GRWD1: variants seen among roughly 807,000 people sequenced by gnomAD.
The protein encoded by GRWD1 is glutamate rich WD repeat containing 1.
A neutral mutation model predicts 45.3 loss-of-function variants in GRWD1; 29 were observed. The observed-to-expected ratio is 0.64, with a 90% CI of 0.48 to 0.87. The LOEUF (loss-of-function observed/expected upper bound fraction) is 0.87. Ranked by LOEUF, GRWD1 falls within the 40% of genes least tolerant of loss-of-function variation. The probability of loss-of-function intolerance (pLI) is 0.00; values close to 1 mark genes in which losing one functional copy is unlikely to be tolerated. For synonymous variants in GRWD1, 262 were observed against 257.6 expected, an observed-to-expected ratio of 1.02 and a Z score of -0.16; for missense variants, 592 against 618.8, an observed-to-expected ratio of 0.96 and a Z score of 0.46.
chr19:48,450,968 C>G lies in GRWD1; in HGVS notation c.826-66C>G, dbSNP rs375242059. 5 of 1,538,480 alleles carry G rather than the reference C, an allele frequency of 3.2e-6. No individual in the cohort carries two copies. In the African/African-American group the frequency reaches 5.5e-5, roughly 17 times the overall value. The stretch of plus-strand genomic sequence containing the variant: ...AACAGTGAAAGAGAGAGTAGCCCAC[C>G]GCTGGCGCTTGGGCTTCACTGCGGG... On this transcript the variant is annotated intron_variant, in intron 5 of 6. Transcript: ENST00000253237. The surrounding 1 kb of genome is among the most constrained non-coding windows in gnomAD (Gnocchi z 5.1).
rs908679987 is a variant in GRWD1, at chr19:48,456,718, A to C, written c.*3693A>C. ...CTGGGAAGTTCCCCACCACAGGGCC[A>C]AGCGTTTGGTAACGTTGCAGTGAAC... is the stretch of plus-strand genomic sequence containing the variant. On this transcript the variant is annotated 3_prime_UTR_variant, in exon 7 of 7. Transcript: ENST00000253237. The C allele has an allele frequency of 6.6e-5, 10 of 152,354 alleles. No homozygotes were observed. The highest frequency in any genetic ancestry group is 1.2e-4 in the Non-Finnish European group (8 of 68,048). 9.4% of individuals were successfully genotyped at this position (152,354 alleles called of 1,614,324 possible).
Position 48,452,244 on chromosome 19 carries a change from C to T in GRWD1, c.1024-464C>T, listed in dbSNP as rs543350397. On this transcript the variant is annotated intron_variant, in intron 6 of 6. Coordinates refer to ENST00000253237, the MANE Select transcript of GRWD1 (RefSeq NM_031485.4). This position sits in a 1 kb window ranked among gnomAD's most constrained non-coding sequence, Gnocchi z 5.1. ...CCTCCTGAGTAACTGGGATTACAGGCATGTGACACCAGCCCGGCTAATTTT... is the reference window on the plus strand; with the variant it reads ...CCTCCTGAGTAACTGGGATTACAGGTATGTGACACCAGCCCGGCTAATTTT... Among the ~76,000 whole-genome samples the T allele has an allele frequency of 2.4e-4, 36 of 152,140 alleles. No individual in the cohort carries two copies. Among genetic ancestry groups the T allele is most frequent in the Admixed American group, 2.6e-4 (4 of 15,278 alleles).
At position 48,446,744 on chromosome 19, in the gene GRWD1, TGAAGAA is replaced by T. The variant is rs141552216; in HGVS notation, c.375_380del (p.Glu128_Glu129del). 26 of 1,613,748 alleles carry T rather than the reference TGAAGAA, an allele frequency of 1.6e-5. No individual in the cohort carries two copies. The highest frequency in any genetic ancestry group is 2.1e-5 in the Non-Finnish European group (25 of 1,179,852). Reference sequence around the variant, plus strand: ...AGCCCCCACCCTCAGAGGGCAGTGATGAAGAAGAAGAGGAGGAAGATGAAGAGGATG... The same window carrying T: ...AGCCCCCACCCTCAGAGGGCAGTGATGAAGAGGAGGAAGATGAAGAGGATG... On this transcript the variant is annotated inframe_deletion, in exon 3 of 7. Transcript: ENST00000253237.
At chr19:48,447,719 A>G (rs974452253) in intron 3 of GRWD1, among the ~76,000 whole-genome samples, 4 of 152,176 alleles carry the variant, frequency 2.6e-5, no homozygotes, top group Non-Finnish European at 5.9e-5. Flanking sequence ...ACATAGTTTT[A>G]TACAATTTAG....
chr19:48,448,718 C>T (rs1177517008), intron 3 of GRWD1, among the ~76,000 whole-genome samples: 1 of 152,088 alleles, frequency 6.6e-6, no homozygotes, highest in Non-Finnish European at 1.5e-5. Flanking sequence ...GTTCAAAGGC[C>T]CTGGGGTGAG....
rs1971528158 is a variant in GRWD1 at position 48,455,451 on chromosome 19, T to C, written c.*2426T>C. On this transcript the variant is annotated 3_prime_UTR_variant, in exon 7 of 7. Coordinates refer to ENST00000253237, the MANE Select transcript of GRWD1 (RefSeq NM_031485.4). Reference sequence around the variant, plus strand: ...ATTAGACAGTGACTTTGACACGAAGTTGAAGCACCTTAAGCCCTGTATCTC... The same window carrying C: ...ATTAGACAGTGACTTTGACACGAAGCTGAAGCACCTTAAGCCCTGTATCTC... The C allele has an allele frequency of 6.6e-6, 1 of 152,132 alleles. No homozygotes were observed. Among genetic ancestry groups the C allele is most frequent in the Non-Finnish European group, 1.5e-5 (1 of 68,030 alleles). The allele number at this position is 152,132 out of a possible 1,614,324, so 9.4% of individuals were successfully genotyped here. A position where few individuals can be genotyped will look rare whatever the true frequency, so the allele number is the denominator to read the frequency against.
rs1209111210 is a variant in GRWD1 at position 48,446,774 on chromosome 19, T to C, written c.399T>C (p.Asp133=). 5 of 1,614,016 alleles carry C rather than the reference T, an allele frequency of 3.1e-6. No homozygotes were observed. In the African/African-American group the frequency reaches 5.3e-5, roughly 17 times the overall value. ...AAGAAGAGGAGGAAGATGAAGAGGA[T>C]GAAGAAGAGCGGAAACCTCAGCTGG... ...DEEEEEEDEE[D]EEERKPQLEL... Residue 133 remains aspartate (D), a synonymous_variant, in exon 3 of 7, where the codon GAT becomes GAC. Coordinates refer to ENST00000253237, the MANE Select transcript of GRWD1 (RefSeq NM_031485.4).
intron 3 of GRWD1, among the ~76,000 whole-genome samples, chr19:48,449,958 C>T (rs1161488141): frequency 6.6e-6 from 1 of 152,090 alleles, no homozygotes; most frequent in Non-Finnish European, 1.5e-5. Context: ...GATCCGAGGA[C>T]TGAGTCTTGT....
In GRWD1 at chr19:48,446,028, G is replaced by A. The variant is rs374579517; in HGVS notation, c.23G>A (p.Arg8Gln). The A allele has an allele frequency of 9.4e-6, 15 of 1,592,788 alleles. No homozygotes were observed. The highest frequency in any genetic ancestry group is 3.4e-5 in the South Asian group (3 of 87,884). Residue 8 changes from arginine (R) to glutamine (Q), a missense_variant, in exon 1 of 7, where the codon CGG becomes CAG. Physicochemically the swap from Arg to Gln is conservative, Grantham distance 43 (BLOSUM62 1). Transcript: ENST00000253237. ...AAGATGGCGGCGCGCAAGGGTCGGC[G>A]GCGCACGTGTGAAACCGGGGAACCC... is the stretch of plus-strand genomic sequence containing the variant. MAARKGR[R>Q]RTCETGEPME...
Position 48,446,847 on chromosome 19 carries a change from A to G in GRWD1, c.468+4A>G. The stretch of plus-strand genomic sequence containing the variant: ...TGGTGGCATCAACCGAGTTCGGGTA[A>G]GTATGGTCCCAGGAGCCTGCTCTGC... On this transcript the variant is annotated splice_donor_region_variant and intron_variant, in intron 3 of 6. Coordinates refer to ENST00000253237, the MANE Select transcript of GRWD1 (RefSeq NM_031485.4). 1 of 1,611,514 alleles carries G rather than the reference A, an allele frequency of 6.2e-7. No individual in the cohort carries two copies. Among genetic ancestry groups the G allele is most frequent in the South Asian group, 1.1e-5 (1 of 90,968 alleles).
Position 48,453,577 on chromosome 19 carries a change from A to G in GRWD1, c.*552A>G, listed in dbSNP as rs1009673902. The G allele has an allele frequency of 6.6e-6, 1 of 152,596 alleles. No homozygotes were observed. The highest frequency in any genetic ancestry group is 6.5e-5 in the Admixed American group (1 of 15,296). The allele number at this position is 152,596 out of a possible 1,614,324, so 9.5% of individuals were successfully genotyped here. On this transcript the variant is annotated 3_prime_UTR_variant, in exon 7 of 7. Transcript: ENST00000253237. The stretch of plus-strand genomic sequence containing the variant: ...GGTCTCAAATTCTTGATCTCAAGTG[A>G]TCTGTCCGCCCCGGCCTCCCAGAGT...
chr19:48,447,046 A>G (rs1379301500), intron 3 of GRWD1, among the ~76,000 whole-genome samples: 1 of 142,998 alleles, frequency 7.0e-6, no homozygotes, highest in African/African-American at 2.6e-5. Flanking sequence ...CTGGGATTAC[A>G]AGCGTGAGCC....
intron 3 of GRWD1, 57 bp downstream of exon 3, chr19:48,446,900 CCT>C (rs1247944020): frequency 9.5e-6 from 14 of 1,469,004 alleles, no homozygotes; most frequent in South Asian, 6.3e-5. Context: ...TGACCCATCC[CCT>C]GTGTCCATAA....
chr19:48,446,496 G>A lies in GRWD1; in HGVS notation c.299G>A (p.Ser100Asn). ...CAGTQAESAQ[S>N]NRLMMLRMHN... ...GGGACCCAGGCTGAGAGCGCCCAGA[G>A]CAACAGGTAAGACCCGAGGCTTTTC... is the stretch of plus-strand genomic sequence containing the variant. The change falls in exon 2 of 7, where the codon AGC becomes AAC. Residue 100 changes from serine to asparagine, a missense_variant. By Grantham distance (46) the Ser-to-Asn change is conservative. Transcript: ENST00000253237. The A allele has an allele frequency of 6.2e-7, 1 of 1,613,844 alleles. No homozygotes were observed. Among genetic ancestry groups the A allele is most frequent in the Non-Finnish European group, 8.5e-7 (1 of 1,179,772 alleles).
At position 48,448,766 on chromosome 19, in the gene GRWD1, G is replaced by A. The variant is rs772422023; in HGVS notation, c.469-1547G>A. ...GAAGAGTTTCAAGTGAAGCGGGAGT[G>A]TCCAGTCTGTCTGGAGCAGAATGAA... On this transcript the variant is annotated intron_variant, in intron 3 of 6. Transcript: ENST00000253237. Among the ~76,000 whole-genome samples the A allele has an allele frequency of 1.4e-4, 22 of 152,336 alleles. 2 individuals carry two copies. The South Asian group carries it at 1.5e-3, about 10-fold the overall frequency.
At position 48,453,879 on chromosome 19, in the gene GRWD1, T is replaced by C. The variant is rs1247220955; in HGVS notation, c.*854T>C. 6.6e-6 allele frequency: 1 copy of C among 151,922 alleles called. No homozygotes were observed. Among genetic ancestry groups the C allele is most frequent in the Non-Finnish European group, 1.5e-5 (1 of 68,034 alleles). The allele number at this position is 151,922 out of a possible 1,614,324, so 9.4% of individuals were successfully genotyped here. On this transcript the variant is annotated 3_prime_UTR_variant, in exon 7 of 7. Transcript: ENST00000253237. Reference sequence around the variant, plus strand: ...GAAGGTCAGGGCTCCTGAGCAGCAATAAAGGACCAGGAAGAGGCCTGAGGT... The same window carrying C: ...GAAGGTCAGGGCTCCTGAGCAGCAACAAAGGACCAGGAAGAGGCCTGAGGT...
chr19:48,452,923 C>A lies in GRWD1; in HGVS notation c.1239C>A (p.Gly413=). 6.2e-7 allele frequency: 1 copy of A among 1,612,004 alleles called. No homozygotes were observed. The part of the protein sequence containing the change: ...LPQQLLFVHQ[G]ETELKELHWH... ...AGCAGCTGCTGTTCGTGCACCAGGG[C>A]GAGACCGAGCTGAAGGAGCTGCACT... The change falls in exon 7 of 7, where the codon GGC becomes GGA. Residue 413 remains glycine (G), a synonymous_variant. Transcript: ENST00000253237. The surrounding 1 kb of genome is among the most constrained non-coding windows in gnomAD (Gnocchi z 5.1).
rs1302631174 is a variant in GRWD1 at position 48,446,128 on chromosome 19, A to G, written c.123A>G (p.Leu41=). ...ACCTGCCCGGCCGGGGGCCGCCGCTACGCGAAGGGGAGGAGCTGGTCATGG... is the reference window on the plus strand; with the variant it reads ...ACCTGCCCGGCCGGGGGCCGCCGCTGCGCGAAGGGGAGGAGCTGGTCATGG... ...QVYLPGRGPP[L]REGEELVMDE... is the part of the protein sequence containing the mutation. Residue 41 remains leucine, a synonymous_variant, in exon 1 of 7, where the codon CTA becomes CTG. Transcript: ENST00000253237. The G allele has an allele frequency of 1.2e-6, 2 of 1,607,128 alleles. No individual in the cohort carries two copies.
chr19:48,449,434 C>T (rs986869863), intron 3 of GRWD1, among the ~76,000 whole-genome samples: 2 of 152,104 alleles, frequency 1.3e-5, no homozygotes, highest in Admixed American at 6.5e-5. Context: ...AGGTGCTGGG[C>T]ATGAGGACCA....
Sources: allele counts gnomAD v4.1 joint callset (sites outside exome capture counted in the v4.1 genomes callset), GRCh38; gene constraint gnomAD v4.1.1; non-coding constraint Gnocchi (gnomAD v3.1); transcripts MANE v1.5; gene names NCBI Gene and HGNC (gene_info 2026-07-23, HGNC 2026-07-21).